Variants in FKBP1A observed in about 807,000 individuals in gnomAD.
FKBP1A encodes the protein peptidyl-prolyl cis-trans isomerase FKBP1A.
Under a neutral mutation model 14.2 loss-of-function variants are expected in FKBP1A, and 5 were observed. That is an observed-to-expected ratio of 0.35 (90% CI 0.18 to 0.74). FKBP1A has a LOEUF of 0.74. FKBP1A is among the 30% of genes least tolerant of loss of function. The pLI is 0.56. For synonymous variants in FKBP1A, 42 were observed against 49.1 expected, an observed-to-expected ratio of 0.86 and a Z score of 0.60; for missense variants, 53 against 138.8, an observed-to-expected ratio of 0.38 and a Z score of 3.10.
At chr20:1,371,309 C>T (rs1480183865) in intron 4 of FKBP1A, among the ~76,000 whole-genome samples, 1 of 152,206 alleles carries the variant, frequency 6.6e-6, no homozygotes, top group African/African-American at 2.4e-5. Flanking sequence ...GGAAAATCAA[C>T]AAACAGGGGC....
chr20:1,388,292 A>G (rs749166223), intron 2 of FKBP1A, among the ~76,000 whole-genome samples: 4 of 152,368 alleles, frequency 2.6e-5, no homozygotes, highest in East Asian at 1.9e-4. Context: ...GGAGTATTCT[A>G]TAACTAGCCT....
In FKBP1A at chr20:1,379,956, G is replaced by A. The variant is rs1455224706; in HGVS notation, c.86-4353C>T. Among the ~76,000 whole-genome samples the A allele has an allele frequency of 6.6e-6, 1 of 152,116 alleles. No individual in the cohort carries two copies. Among genetic ancestry groups the A allele is most frequent in the Non-Finnish European group, 1.5e-5 (1 of 68,026 alleles). On this transcript the variant is annotated intron_variant, in intron 2 of 4. Transcript: ENST00000400137. This position sits in a 1 kb window ranked among gnomAD's most constrained non-coding sequence, Gnocchi z 4.3. ...TTGTTAAGCTGGAATGAGTGTGCATGTGTAGGAATTATGCTGTTCAGTCTG... is the reference window on the plus strand; with the variant it reads ...TTGTTAAGCTGGAATGAGTGTGCATATGTAGGAATTATGCTGTTCAGTCTG...
chr20:1,374,013 A>T (rs1328543147), intron 3 of FKBP1A, among the ~76,000 whole-genome samples: 1 of 152,218 alleles, frequency 6.6e-6, no homozygotes, highest in Non-Finnish European at 1.5e-5. Flanking sequence ...TTTGGAGATA[A>T]ATCAGTGATA....
At position 1,371,075 on chromosome 20, in the gene FKBP1A, G is replaced by A; in HGVS notation, c.*36+1001C>T. 4.1e-6 allele frequency: 4 copies of A among 985,440 alleles called. No individual in the cohort carries two copies. The South Asian group carries it at 1.9e-4, about 46-fold the overall frequency. 61.0% of individuals were successfully genotyped at this position (985,440 alleles called of 1,614,324 possible). ...GTAGCTCTGACTGCCATCACAAATA[G>A]GATGGCAGCCATTTGTTGTGGCTTT... is the stretch of plus-strand genomic sequence containing the variant. On this transcript the variant is annotated intron_variant, in intron 4 of 4. Coordinates refer to ENST00000400137, the MANE Select transcript of FKBP1A (RefSeq NM_000801.5).
chr20:1,384,812 TCTCA>T (rs2089652705), intron 2 of FKBP1A, among the ~76,000 whole-genome samples: 1 of 152,182 alleles, frequency 6.6e-6, no homozygotes, highest in Non-Finnish European at 1.5e-5. Flanking sequence ...ACCAGCTCAC[TCTCA>T]CTATCATTTT....
chr20:1,370,899 G>C, intron 4 of FKBP1A: 1 of 985,514 alleles, frequency 1.0e-6, no homozygotes, highest in Non-Finnish European at 1.2e-6. Context: ...GCCCTGTAAA[G>C]TGCCAGGGAT....
At chr20:1,373,236 T>G (rs755594521) in intron 3 of FKBP1A, 1 of 152,238 alleles carries the variant, frequency 6.6e-6, no homozygotes, top group Non-Finnish European at 1.5e-5. Flanking sequence ...AGCAATTCTA[T>G]TTCCAGAATA....
In FKBP1A at chr20:1,386,463, C is replaced by G. The variant is rs984513309; in HGVS notation, c.85+6371G>C. ...CTTGGAGAACAACACTAGTGTGGGT[C>G]TGGCCTCCTGGAGCCTTCAGTCGGT... On this transcript the variant is annotated intron_variant, in intron 2 of 4. Transcript: ENST00000400137. This position sits in a 1 kb window ranked among gnomAD's most constrained non-coding sequence, Gnocchi z 4.7. Among the ~76,000 whole-genome samples, 2 of 152,230 alleles carry G rather than the reference C, an allele frequency of 1.3e-5. No individual in the cohort carries two copies. The highest frequency in any genetic ancestry group is 4.8e-5 in the African/African-American group (2 of 41,446).
chr20:1,389,879 T>C (rs1037381391), intron 2 of FKBP1A, among the ~76,000 whole-genome samples: 6 of 152,120 alleles, frequency 3.9e-5, no homozygotes, highest in African/African-American at 1.4e-4. Context: ...AGCTTACCTT[T>C]CCACCACCTC....
chr20:1,389,365 T>G (rs554319932), intron 2 of FKBP1A, among the ~76,000 whole-genome samples: 7 of 152,312 alleles, frequency 4.6e-5, no homozygotes, highest in African/African-American at 1.4e-4. Flanking sequence ...GGAAGCCATC[T>G]GAGGCATCTC....
At position 1,373,705 on chromosome 20, in the gene FKBP1A, G is replaced by C. The variant is rs547294902; in HGVS notation, c.199-1465C>G. ...TGAAGTAGGCCGATAACACTATCTC[G>C]ATGGCAGATACAGCACTCAGTACAT... is the stretch of plus-strand genomic sequence containing the variant. On this transcript the variant is annotated intron_variant, in intron 3 of 4. Coordinates refer to ENST00000400137, the MANE Select transcript of FKBP1A (RefSeq NM_000801.5). 2.6e-5 allele frequency among the ~76,000 whole-genome samples: 4 copies of C among 152,258 alleles called. No individual in the cohort carries two copies. The South Asian group carries it at 8.3e-4, about 32-fold the overall frequency.
At chr20:1,376,079 G>A (rs1568586977) in intron 2 of FKBP1A, among the ~76,000 whole-genome samples, 1 of 152,170 alleles carries the variant, frequency 6.6e-6, no homozygotes, top group Non-Finnish European at 1.5e-5. Context: ...ATTGTTCAGT[G>A]CAGGCAAATC....
In FKBP1A at chr20:1,372,139, G is replaced by A. The variant is rs371977392; in HGVS notation, c.300C>T (p.Phe100=). The A allele has an allele frequency of 9.3e-6, 15 of 1,613,688 alleles. No homozygotes were observed. Among genetic ancestry groups the A allele is most frequent in the Admixed American group, 1.7e-5 (1 of 59,976 alleles). ...GIIPPHATLV[F]DVELLKLE The stretch of plus-strand genomic sequence containing the variant: ...ATTCCAGTTTTAGAAGCTCCACATC[G>A]AAGACGAGAGTGGCATGTGGTGGGA... The change falls in exon 4 of 5, where the codon TTC becomes TTT. Residue 100 remains phenylalanine (F), a synonymous_variant. Coordinates refer to ENST00000400137, the MANE Select transcript of FKBP1A (RefSeq NM_000801.5).
At position 1,393,009 on chromosome 20, in the gene FKBP1A, G is replaced by A. The variant is rs1358706771; in HGVS notation, c.-11C>T. 1.6e-5 allele frequency: 23 copies of A among 1,464,584 alleles called. No homozygotes were observed. The highest frequency in any genetic ancestry group is 1.9e-5 in the Non-Finnish European group (21 of 1,112,254). 90.7% of individuals were successfully genotyped at this position (1,464,584 alleles called of 1,614,324 possible). A position where few individuals can be genotyped will look rare whatever the true frequency, so the allele number is the denominator to read the frequency against. On this transcript the variant is annotated 5_prime_UTR_variant, in exon 1 of 5. Transcript: ENST00000400137. The stretch of plus-strand genomic sequence containing the variant: ...CACCTGCACTCCCATGGCGGCGGCG[G>A]ACGCTGAGCGGGCGGGCGGCGCGAC...
chr20:1,371,622 GA>G, intron 4 of FKBP1A: 1 of 754,320 alleles, frequency 1.3e-6, no homozygotes, highest in Non-Finnish European at 1.6e-6. Flanking sequence ...AAACCACAGT[GA>G]AGAGAGAGCC....
chr20:1,378,650 C>T (rs574350225), intron 2 of FKBP1A: 1 of 152,240 alleles, frequency 6.6e-6, no homozygotes, highest in Admixed American at 6.5e-5. Flanking sequence ...TATGGGAAAT[C>T]TCTGTACATG....
At chr20:1,377,644 T>C (rs1434817274) in intron 2 of FKBP1A, 2 of 152,232 alleles carry the variant, frequency 1.3e-5, no homozygotes, top group African/African-American at 2.4e-5. Context: ...GCTGCACTTC[T>C]TACATGGAAC....
rs376816789 is a variant in FKBP1A at position 1,369,381 on chromosome 20, GAA to G, written c.*726_*727del. The G allele has an allele frequency of 1.2e-4, 18 of 153,002 alleles. No homozygotes were observed. The highest frequency in any genetic ancestry group is 7.1e-5 in the Admixed American group (1 of 14,064). The allele number at this position is 153,002 out of a possible 1,614,324, so 9.5% of individuals were successfully genotyped here. A position where few individuals can be genotyped will look rare whatever the true frequency, so the allele number is the denominator to read the frequency against. ...AAGTCCATTAGAAAAACCACAGGATGAAAAAAAAAAAAGGCCACAAAGAAGGC... is the reference window on the plus strand; with the variant it reads ...AAGTCCATTAGAAAAACCACAGGATGAAAAAAAAAAGGCCACAAAGAAGGC... On this transcript the variant is annotated 3_prime_UTR_variant, in exon 5 of 5. Coordinates refer to ENST00000400137, the MANE Select transcript of FKBP1A (RefSeq NM_000801.5).
chr20:1,392,478 A>G (rs1232160824), intron 2 of FKBP1A, among the ~76,000 whole-genome samples: 1 of 152,134 alleles, frequency 6.6e-6, no homozygotes, highest in Non-Finnish European at 1.5e-5. Context: ...CCATTCCTGA[A>G]AGTGTGACCT....
Sources: allele counts gnomAD v4.1 joint callset (sites outside exome capture counted in the v4.1 genomes callset), GRCh38; gene constraint gnomAD v4.1.1; non-coding constraint Gnocchi (gnomAD v3.1); transcripts MANE v1.5; gene names NCBI Gene and HGNC (gene_info 2026-07-23, HGNC 2026-07-21).